The following MTOR variants were observed in gnomAD, a reference collection of about 807,000 sequenced individuals.
The protein encoded by MTOR is serine/threonine-protein kinase mTOR.
A neutral mutation model predicts 319.8 loss-of-function variants in MTOR; 70 were observed. The ratio of observed to expected loss-of-function variants is 0.22; its 90% CI spans 0.18 to 0.27. The LOEUF is 0.27. Ranked by LOEUF, MTOR falls within the 10% of genes least tolerant of loss-of-function variation. The pLI is 1.00. For synonymous variants in MTOR, 1,183 were observed against 1,211.4 expected (o/e 0.98, Z 0.49); for missense variants, 1,890 against 3,274.4 (o/e 0.58, Z 10.32).
intron 19 of MTOR, among the ~76,000 whole-genome samples, chr1:11,217,800 C>T (rs1262404223): frequency 6.6e-6 from 1 of 151,834 alleles, no homozygotes; most frequent in Non-Finnish European, 1.5e-5. Context: ...ATTTTCACTC[C>T]TATCCACATG....
chr1:11,180,295 T>A (rs1171627228), intron 28 of MTOR, among the ~76,000 whole-genome samples: 1 of 152,188 alleles, frequency 6.6e-6, no homozygotes, highest in Non-Finnish European at 1.5e-5. Flanking sequence ...AAGGACCGCA[T>A]ATCTTTTCTG....
At chr1:11,146,305 G>A (rs1011164502) in intron 32 of MTOR, among the ~76,000 whole-genome samples, 8 of 152,314 alleles carry the variant, frequency 5.3e-5, no homozygotes, top group Admixed American at 4.6e-4. Flanking sequence ...TGACATGCCT[G>A]CATGGCCAGA....
intron 28 of MTOR, chr1:11,194,867 C>A (rs1482027659): frequency 9.3e-6 from 15 of 1,614,094 alleles, no homozygotes; most frequent in Non-Finnish European, 1.2e-5. Context: ...GCTACTGGTA[C>A]AACTGCTGCA....
At chr1:11,161,164 C>T (rs1209912164) in intron 29 of MTOR, among the ~76,000 whole-genome samples, 15 of 152,228 alleles carry the variant, frequency 9.9e-5, no homozygotes, top group South Asian at 2.1e-4. Flanking sequence ...GAGGGTCCCA[C>T]GCCCACGGAG....
rs190999918 is a variant in MTOR, at chr1:11,173,126, C to T, written c.4254-5609G>A. ...CTCCTGTCTTAGCCTCCTGAGTAGC[C>T]GGGATTACTGGTGCCCACCAGCATA... On this transcript the variant is annotated intron_variant, in intron 28 of 57. Transcript: ENST00000361445. Among the ~76,000 whole-genome samples, 334 of 152,034 alleles carry T rather than the reference C, an allele frequency of 2.2e-3. 3 individuals are homozygous for T. Among genetic ancestry groups the T allele is most frequent in the Non-Finnish European group, 3.8e-3 (261 of 67,984 alleles).
chr1:11,162,859 G>A (rs1451935471), intron 29 of MTOR, among the ~76,000 whole-genome samples: 1 of 152,202 alleles, frequency 6.6e-6, no homozygotes, highest in Non-Finnish European at 1.5e-5. Flanking sequence ...ATCAATGCTA[G>A]GAAGAAACCG....
At position 11,209,436 on chromosome 1, in the gene MTOR, T is replaced by A; in HGVS notation, c.3677A>T (p.Glu1226Val). ...ATGCTGGTAAATCAAAGGATCCTCC[T>A]CTTCATCAGCAAGTGTGTATCCCTA... is the stretch of plus-strand genomic sequence containing the variant. ...IVKGYTLADEEEDPLIYQHRM... is the reference protein window; with the variant it reads ...IVKGYTLADEVEDPLIYQHRM... Residue 1226 changes from glutamate (E) to valine (V), a missense_variant, in exon 25 of 58, where the codon GAG becomes GTG. By Grantham distance (121) the Glu-to-Val change is moderately radical (BLOSUM62 -2). Transcript: ENST00000361445. 1 of 1,614,198 alleles carries A rather than the reference T, an allele frequency of 6.2e-7. No homozygotes were observed. The highest frequency in any genetic ancestry group is 8.5e-7 in the Non-Finnish European group (1 of 1,180,014).
At chr1:11,192,332 C>T in intron 28 of MTOR, 1 of 1,614,070 alleles carries the variant, frequency 6.2e-7, no homozygotes, top group African/African-American at 1.3e-5. Context: ...AGTGTATAAG[C>T]TTCCTCCTGA....
At chr1:11,202,836 A>T (rs1171222024) in intron 26 of MTOR, among the ~76,000 whole-genome samples, 2 of 152,090 alleles carry the variant, frequency 1.3e-5, no homozygotes, top group Admixed American at 1.3e-4. Flanking sequence ...TGAGCCCAGG[A>T]GGTTGAGGCT....
intron 6 of MTOR, among the ~76,000 whole-genome samples, chr1:11,252,166 T>A (rs868650397): frequency 6.6e-6 from 1 of 152,188 alleles, no homozygotes; most frequent in Non-Finnish European, 1.5e-5. Flanking sequence ...ATACTTTAAA[T>A]CATCTCTATG....
At chr1:11,135,131 G>C (rs1416357236) in intron 36 of MTOR, among the ~76,000 whole-genome samples, 1 of 152,198 alleles carries the variant, frequency 6.6e-6, no homozygotes, top group East Asian at 1.9e-4. Flanking sequence ...GTCAGGAACA[G>C]ACAGCTGAAC....
chr1:11,206,741 C>T (rs769033427), intron 25 of MTOR, among the ~76,000 whole-genome samples: 2 of 152,272 alleles, frequency 1.3e-5, no homozygotes, highest in Non-Finnish European at 2.9e-5. Context: ...TGTGTAAACA[C>T]GAGCTGCTTC....
intron 28 of MTOR, among the ~76,000 whole-genome samples, chr1:11,175,211 G>A (rs1249549738): frequency 1.3e-5 from 2 of 152,150 alleles, no homozygotes; most frequent in South Asian, 2.1e-4. Context: ...CTGCCTATCC[G>A]CATAATAGAA....
chr1:11,189,903 A>G, intron 28 of MTOR: 26 of 1,613,964 alleles, frequency 1.6e-5, no homozygotes, highest in Non-Finnish European at 2.1e-5. Context: ...TGAACAACCA[A>G]ATTGACATCA....
At chr1:11,162,257 G>C (rs1644499762) in intron 29 of MTOR, among the ~76,000 whole-genome samples, 1 of 152,188 alleles carries the variant, frequency 6.6e-6, no homozygotes, top group Non-Finnish European at 1.5e-5. Flanking sequence ...AACAAACAAA[G>C]CCTCCAAGAA....
At chr1:11,217,210 G>C (rs1421904719) in intron 19 of MTOR, among the ~76,000 whole-genome samples, 1 of 152,106 alleles carries the variant, frequency 6.6e-6, no homozygotes, top group Non-Finnish European at 1.5e-5. Flanking sequence ...GTACCTTTTA[G>C]GTGTAGGAAG....
chr1:11,241,731 T>C (rs1429412884), intron 9 of MTOR, 50 bp from the exon 10 acceptor site: 2 of 1,578,490 alleles, frequency 1.3e-6, no homozygotes, highest in Non-Finnish European at 1.7e-6. Context: ...CATTCTTTAA[T>C]GTCCCACCTC....
intron 36 of MTOR, among the ~76,000 whole-genome samples, chr1:11,138,224 G>GT (rs902760782): frequency 3.3e-5 from 5 of 152,168 alleles, no homozygotes; most frequent in Admixed American, 2.0e-4. Context: ...AGCACCTTCT[G>GT]TTTTTCTCAT....
intron 24 of MTOR, 70 bp downstream of exon 24, chr1:11,210,744 G>T: frequency 8.0e-7 from 1 of 1,242,278 alleles, no homozygotes; most frequent in Non-Finnish European, 1.1e-6. Context: ...AACTCCCATA[G>T]CCAAGATTAC....
Sources: gnomAD v4.1 joint callset for allele counts (sites outside exome capture counted in the v4.1 genomes callset) on GRCh38, gnomAD v4.1.1 for gene constraint, MANE v1.5 for transcripts, NCBI Gene and HGNC (gene_info 2026-07-23, HGNC 2026-07-21) for gene names.